Variants in SORCS2 observed in about 807,000 individuals in gnomAD.
SORCS2 encodes the protein VPS10 domain-containing receptor SorCS2.
A neutral mutation model predicts 141.6 loss-of-function variants in SORCS2; 100 were observed. The ratio of observed to expected loss-of-function variants is 0.71; its 90% CI spans 0.60 to 0.83. The LOEUF (loss-of-function observed/expected upper bound fraction) is 0.83, where lower values mean the gene tolerates loss of function less well. Among genes scored for constraint, SORCS2 ranks in the 40% least tolerant of loss-of-function variants. SORCS2 has a pLI of 0.00. For missense variants in SORCS2, 1,646 were observed against 1,560.2 expected (o/e 1.05, Z -0.93); for synonymous variants, 789 against 676.9 (o/e 1.17, Z -2.57).
rs555200325 is a variant in SORCS2, at chr4:7,602,259, C to A, written c.649-36069C>A. On this transcript the variant is annotated intron_variant, in intron 3 of 26. Transcript: ENST00000507866. ...GACGGGGTGGCCAGGCAGAGGCGCC[C>A]CCCACCTCCCTCCCGGACGGGGTGG... is the stretch of plus-strand genomic sequence containing the variant. 1.3e-3 allele frequency among the ~76,000 whole-genome samples: 190 copies of A among 151,990 alleles called. 5 individuals are homozygous for A. In the South Asian group the frequency reaches 0.039, roughly 31 times the overall value.
chr4:7,201,814 T>G lies in SORCS2; in HGVS notation c.480+8688T>G, dbSNP rs1287292152. ...GTGGATTGCAGGGATGCCGATGACC[T>G]GAGAAGCCTGGCTGTGCTGCAGCTG... On this transcript the variant is annotated intron_variant, in intron 1 of 26. Coordinates refer to ENST00000507866, the MANE Select transcript of SORCS2 (RefSeq NM_020777.3). This position sits in a 1 kb window ranked among gnomAD's most constrained non-coding sequence, Gnocchi z 4.4. 6.6e-6 allele frequency among the ~76,000 whole-genome samples: 1 copy of G among 152,118 alleles called. No individual in the cohort carries two copies. The highest frequency in any genetic ancestry group is 2.4e-5 in the African/African-American group (1 of 41,416).
rs779731116 is a variant in SORCS2, at chr4:7,193,125, G to C, written c.479G>C (p.Ser160Thr). The change falls in exon 1 of 27, where the codon AGC becomes ACC. Residue 160 changes from serine to threonine, a missense_variant and splice_region_variant. By Grantham distance (58) the Ser-to-Thr change is moderately conservative. Coordinates refer to ENST00000507866, the MANE Select transcript of SORCS2 (RefSeq NM_020777.3). This position sits in a 1 kb window ranked among gnomAD's most constrained non-coding sequence, Gnocchi z 4.8. Reference protein sequence around the residue: ...AMVHWTGENSSVILILTKYYH... With the variant: ...AMVHWTGENSTVILILTKYYH... Reference sequence around the variant, plus strand: ...GTGCACTGGACGGGCGAGAACAGCAGCGTAAGTGACCTCCACGCGCTCGCC... The same window carrying C: ...GTGCACTGGACGGGCGAGAACAGCACCGTAAGTGACCTCCACGCGCTCGCC... The C allele has an allele frequency of 6.5e-7, 1 of 1,532,066 alleles. No homozygotes were observed. The highest frequency in any genetic ancestry group is 1.4e-5 in the African/African-American group (1 of 70,054). 94.9% of individuals were successfully genotyped at this position (1,532,066 alleles called of 1,614,324 possible). A position where few individuals can be genotyped will look rare whatever the true frequency, so the allele number is the denominator to read the frequency against.
chr4:7,724,496 T>G (rs1726931403), intron 19 of SORCS2, among the ~76,000 whole-genome samples: 1 of 134,452 alleles, frequency 7.4e-6, no homozygotes, highest in South Asian at 2.5e-4. Flanking sequence ...GTGGTGGTGG[T>G]GACAATGGTG....
At chr4:7,209,104 C>T (rs1727910330) in intron 1 of SORCS2, among the ~76,000 whole-genome samples, 1 of 152,218 alleles carries the variant, frequency 6.6e-6, no homozygotes, top group African/African-American at 2.4e-5. Context: ...CTTTCTCTTC[C>T]CTAGGAGGGA....
intron 4 of SORCS2, among the ~76,000 whole-genome samples, chr4:7,651,293 T>C (rs1721430866): frequency 6.6e-6 from 1 of 152,186 alleles, no homozygotes; most frequent in African/African-American, 2.4e-5. Context: ...CATCCCGACC[T>C]TCTGAGTGAG....
At chr4:7,331,342 C>G (rs1488575252) in intron 1 of SORCS2, among the ~76,000 whole-genome samples, 1 of 152,194 alleles carries the variant, frequency 6.6e-6, no homozygotes, top group South Asian at 2.1e-4. Context: ...TTGGCTGAGA[C>G]AGCTTGGAGT....
chr4:7,320,243 T>G (rs1438899840), intron 1 of SORCS2, among the ~76,000 whole-genome samples: 1 of 152,202 alleles, frequency 6.6e-6, no homozygotes, highest in Non-Finnish European at 1.5e-5. Flanking sequence ...ATCAAAAAAA[T>G]CAAACGCTGG....
At chr4:7,534,576 C>T (rs1711953534) in intron 3 of SORCS2, among the ~76,000 whole-genome samples, 1 of 152,220 alleles carries the variant, frequency 6.6e-6, no homozygotes, top group Admixed American at 6.5e-5. Context: ...CCTGGGTTGT[C>T]TGAGTGGGAT....
intron 1 of SORCS2, among the ~76,000 whole-genome samples, chr4:7,250,629 A>G (rs1182350714): frequency 3.3e-5 from 5 of 152,270 alleles, no homozygotes; most frequent in Admixed American, 2.0e-4. Context: ...CCATTTGTGT[A>G]TGAACAAGAA....
intron 14 of SORCS2, among the ~76,000 whole-genome samples, chr4:7,708,006 A>G (rs1419255083): frequency 1.3e-5 from 2 of 152,318 alleles, no homozygotes; most frequent in East Asian, 1.9e-4. Flanking sequence ...CTTGGTTTCC[A>G]CAGCCCCGAA....
At chr4:7,433,597 C>A in intron 2 of SORCS2, 3 of 1,611,652 alleles carry the variant, frequency 1.9e-6, no homozygotes, top group Non-Finnish European at 2.5e-6. Context: ...CGGCAGGATG[C>A]TGCAGCCACC....
intron 2 of SORCS2, among the ~76,000 whole-genome samples, chr4:7,494,906 G>A (rs1419292722): frequency 6.6e-6 from 1 of 152,240 alleles, no homozygotes; most frequent in Non-Finnish European, 1.5e-5. Context: ...TGATGGAGCA[G>A]GAAGGTGCTG....
At chr4:7,671,117 T>G (rs1267634867) in intron 8 of SORCS2, among the ~76,000 whole-genome samples, 1 of 152,154 alleles carries the variant, frequency 6.6e-6, no homozygotes, top group Non-Finnish European at 1.5e-5. Context: ...CCTAGGAAGA[T>G]GTTAAGCTTA....
chr4:7,243,803 C>T (rs1465909808), intron 1 of SORCS2, among the ~76,000 whole-genome samples: 3 of 152,232 alleles, frequency 2.0e-5, no homozygotes, highest in African/African-American at 7.2e-5. Context: ...GGTAGCTTCC[C>T]TGCGAGGGCA....
chr4:7,324,021 C>T (rs375944864), intron 1 of SORCS2, among the ~76,000 whole-genome samples: 14 of 152,206 alleles, frequency 9.2e-5, no homozygotes, highest in African/African-American at 2.4e-4. Flanking sequence ...ACCATCCTTA[C>T]GCGATGGGTC....
rs528012708 is a variant in SORCS2, at chr4:7,350,298, G to A, written c.481-45990G>A. ...TCCACAATTAGGGGACAGTGTCAGC[G>A]TTCCAGAGTGGGGCTACAGTTCAGT... On this transcript the variant is annotated intron_variant, in intron 1 of 26. Coordinates refer to ENST00000507866, the MANE Select transcript of SORCS2 (RefSeq NM_020777.3). Among the ~76,000 whole-genome samples, 57 of 152,316 alleles carry A rather than the reference G, an allele frequency of 3.7e-4. No individual in the cohort carries two copies. In the South Asian group the frequency reaches 0.011, roughly 29 times the overall value.
chr4:7,371,362 G>T (rs768549143), intron 1 of SORCS2, among the ~76,000 whole-genome samples: 1 of 152,146 alleles, frequency 6.6e-6, no homozygotes, highest in Non-Finnish European at 1.5e-5. Flanking sequence ...GAACCTTGCC[G>T]CACTCCCCTG....
intron 1 of SORCS2, among the ~76,000 whole-genome samples, chr4:7,207,913 A>T (rs965293366): frequency 1.3e-5 from 2 of 152,152 alleles, no homozygotes; most frequent in Non-Finnish European, 1.5e-5. Flanking sequence ...ATTTCTTTCC[A>T]TCTTGCCTGT....
intron 18 of SORCS2, among the ~76,000 whole-genome samples, chr4:7,723,077 G>A (rs1389601418): frequency 2.0e-5 from 3 of 152,164 alleles, no homozygotes; most frequent in Non-Finnish European, 4.4e-5. Flanking sequence ...GAAGGTGGAA[G>A]GAGATGGTGG....
Sources: allele counts gnomAD v4.1 joint callset (sites outside exome capture counted in the v4.1 genomes callset), GRCh38; gene constraint gnomAD v4.1.1; non-coding constraint Gnocchi (gnomAD v3.1); transcripts MANE v1.5; gene names NCBI Gene and HGNC (gene_info 2026-07-23, HGNC 2026-07-21).